The following NEGR1 variants were observed in gnomAD, a reference collection of about 807,000 sequenced individuals.
NEGR1 encodes the protein IgLON family member 4.
Under a neutral mutation model 40.9 loss-of-function variants are expected in NEGR1, and 10 were observed. The observed-to-expected ratio is 0.24, with a 90% CI of 0.15 to 0.42. The LOEUF (loss-of-function observed/expected upper bound fraction) is 0.42, where lower values mean the gene tolerates loss of function less well. Among genes scored for constraint, NEGR1 ranks in the 10% least tolerant of loss-of-function variants. NEGR1 has a pLI of 1.00. For missense variants in NEGR1, 352 were observed against 438.9 expected (o/e 0.80, Z 1.77); for synonymous variants, 185 against 166.8 (o/e 1.11, Z -0.84).
At chr1:71,436,065 C>T (rs1646507125) in intron 6 of NEGR1, among the ~76,000 whole-genome samples, 1 of 152,116 alleles carries the variant, frequency 6.6e-6, no homozygotes, top group Non-Finnish European at 1.5e-5. Flanking sequence ...AGAAGGATTT[C>T]ACCACTGAAG....
At chr1:71,880,324 A>C (rs996078737) in intron 2 of NEGR1, among the ~76,000 whole-genome samples, 1 of 152,046 alleles carries the variant, frequency 6.6e-6, no homozygotes, top group African/African-American at 2.4e-5. Context: ...CATAAAGTAC[A>C]ATTTTACTAT....
At chr1:71,927,705 C>T (rs12039110) in intron 2 of NEGR1, among the ~76,000 whole-genome samples, 11 of 149,956 alleles carry the variant, frequency 7.3e-5, no homozygotes, top group South Asian at 2.1e-4. Context: ...CCTGGCCAGG[C>T]GTAGGGGCTC....
chr1:72,023,667 A>ACAAGAAC (rs1553131521), intron 1 of NEGR1, among the ~76,000 whole-genome samples: 11 of 151,426 alleles, frequency 7.3e-5, no homozygotes, highest in African/African-American at 2.4e-4. Context: ...AAAACTTAAC[A>ACAAGAAC]AATAACACAA....
At chr1:71,894,743 A>G (rs1484073323) in intron 2 of NEGR1, among the ~76,000 whole-genome samples, 1 of 152,122 alleles carries the variant, frequency 6.6e-6, no homozygotes, top group Non-Finnish European at 1.5e-5. Context: ...TTTTATTTTT[A>G]AAAAAAGTGA....
intron 1 of NEGR1, among the ~76,000 whole-genome samples, chr1:72,195,305 C>T (rs955721790): frequency 6.6e-6 from 1 of 151,968 alleles, no homozygotes; most frequent in African/African-American, 2.4e-5. Flanking sequence ...CATGACTCTA[C>T]CAATGCATTC....
At chr1:71,562,111 C>T (rs12062481) in intron 6 of NEGR1, among the ~76,000 whole-genome samples, 5,082 of 151,572 alleles carry the variant, frequency 0.034, 298 homozygotes, top group African/African-American at 0.12. Context: ...TAGCCAAAAA[C>T]GTTTCTAGTG....
intron 4 of NEGR1, among the ~76,000 whole-genome samples, chr1:71,659,287 CCG>C (rs1402683844): frequency 1.3e-5 from 2 of 152,136 alleles, no homozygotes; most frequent in African/African-American, 4.8e-5. Flanking sequence ...GAAACTCAGA[CCG>C]CTCTTCAATA....
intron 2 of NEGR1, among the ~76,000 whole-genome samples, chr1:71,846,959 A>G (rs558003689): frequency 6.6e-6 from 1 of 152,286 alleles, no homozygotes; most frequent in South Asian, 2.1e-4. Flanking sequence ...AAATTTTCAG[A>G]CCATAGCACA....
At chr1:72,063,162 T>C (rs924905135) in intron 1 of NEGR1, among the ~76,000 whole-genome samples, 11 of 152,030 alleles carry the variant, frequency 7.2e-5, no homozygotes, top group African/African-American at 2.4e-4. Flanking sequence ...TCAATTTATA[T>C]ATTTTGAAAT....
At chr1:72,109,974 G>C (rs1311856676) in intron 1 of NEGR1, among the ~76,000 whole-genome samples, 1 of 151,474 alleles carries the variant, frequency 6.6e-6, no homozygotes, top group East Asian at 1.9e-4. Flanking sequence ...TCCTATTTAG[G>C]AATCCACAGT....
At chr1:71,663,402 G>C (rs1234057440) in intron 4 of NEGR1, among the ~76,000 whole-genome samples, 2 of 151,766 alleles carry the variant, frequency 1.3e-5, no homozygotes, top group East Asian at 3.9e-4. Flanking sequence ...TTGCTTCTTT[G>C]TCTATATGCT....
At chr1:71,805,046 A>C (rs1406234138) in intron 2 of NEGR1, among the ~76,000 whole-genome samples, 1 of 152,134 alleles carries the variant, frequency 6.6e-6, no homozygotes, top group Non-Finnish European at 1.5e-5. Context: ...TTACAGTCGC[A>C]GCTGTAGGGA....
chr1:71,468,728 A>T (rs927423482), intron 6 of NEGR1: 4 of 152,024 alleles, frequency 2.6e-5, no homozygotes, highest in African/African-American at 7.2e-5. Flanking sequence ...CTGTATTAGT[A>T]AGTAAATGCA....
intron 2 of NEGR1, among the ~76,000 whole-genome samples, chr1:71,829,710 T>C (rs931095352): frequency 5.9e-5 from 9 of 151,728 alleles, no homozygotes; most frequent in Admixed American, 1.3e-4. Context: ...CAAAATATAA[T>C]ACAACAACAC....
At chr1:72,174,079 G>A (rs562008789) in intron 1 of NEGR1, among the ~76,000 whole-genome samples, 17 of 151,580 alleles carry the variant, frequency 1.1e-4, no homozygotes, top group South Asian at 4.2e-4. Context: ...CATCCCAATC[G>A]TTTGTTTTTT....
intron 1 of NEGR1, among the ~76,000 whole-genome samples, chr1:72,267,907 A>C (rs761674473): frequency 6.6e-6 from 1 of 151,224 alleles, no homozygotes; most frequent in Non-Finnish European, 1.5e-5. Context: ...ATATGTCAAA[A>C]ACTGATGATA....
intron 1 of NEGR1, among the ~76,000 whole-genome samples, chr1:72,089,616 T>A (rs1478024111): frequency 6.6e-6 from 1 of 152,154 alleles, no homozygotes; most frequent in African/African-American, 2.4e-5. Flanking sequence ...CTGGGTCAAA[T>A]CACATATCTT....
intron 1 of NEGR1, among the ~76,000 whole-genome samples, chr1:72,022,151 A>T (rs1380958773): frequency 6.6e-6 from 1 of 151,488 alleles, no homozygotes; most frequent in Non-Finnish European, 1.5e-5. Flanking sequence ...ATAAAAATAA[A>T]AAAGAATAGA....
intron 3 of NEGR1, among the ~76,000 whole-genome samples, chr1:71,764,093 T>C (rs1656040391): frequency 6.6e-6 from 1 of 152,186 alleles, no homozygotes; most frequent in Non-Finnish European, 1.5e-5. Context: ...TCCATACAAG[T>C]GGTGACATGA....
Sources: allele counts gnomAD v4.1 joint callset (sites outside exome capture counted in the v4.1 genomes callset), GRCh38; gene constraint gnomAD v4.1.1; transcripts MANE v1.5; gene names NCBI Gene and HGNC (gene_info 2026-07-23, HGNC 2026-07-21).